The following PDZRN3 variants were observed in gnomAD, a reference collection of about 807,000 sequenced individuals.
PDZRN3 encodes PDZ domain containing ring finger 3.
In PDZRN3, 38 loss-of-function variants were observed where a neutral mutation model predicts 85.7. That is an observed-to-expected ratio of 0.44 (90% CI 0.34 to 0.58). The LOEUF (loss-of-function observed/expected upper bound fraction) is 0.58. PDZRN3 is among the 20% of genes least tolerant of loss of function. The pLI is 0.01. For missense variants in PDZRN3, 1,629 were observed against 1,506.4 expected (o/e 1.08, Z -1.35); for synonymous variants, 759 against 638.0 (o/e 1.19, Z -2.86).
chr3:73,624,320 T>G lies in PDZRN3; in HGVS notation c.506A>C (p.His169Pro). The change falls in exon 1 of 10, where the codon CAC (histidine) becomes CCC (proline). Residue 169 changes from histidine (H) to proline (P), a missense_variant. By Grantham distance (77) the His-to-Pro change is moderately conservative (BLOSUM62 -2). Transcript: ENST00000263666. ...CAGGCGGGCCTGGAGCGCGCCGTTG[T>G]GCGCCCGCAGCGCTCGCGCGCAGCA... ...GHCCARALRA[H>P]NGALQARLGA... is the part of the protein sequence containing the mutation. 7.6e-7 allele frequency: 1 copy of G among 1,314,634 alleles called. No individual in the cohort carries two copies. The highest frequency in any genetic ancestry group is 9.6e-7 in the Non-Finnish European group (1 of 1,039,368). The allele number at this position is 1,314,634 out of a possible 1,614,324, so 81.4% of individuals were successfully genotyped here.
intron 3 of PDZRN3, among the ~76,000 whole-genome samples, chr3:73,540,013 G>A (rs551471385): frequency 1.4e-5 from 2 of 138,606 alleles, no homozygotes; most frequent in African/African-American, 5.3e-5. Context: ...CCTGTGACAT[G>A]TATGATTCAG....
intron 3 of PDZRN3, among the ~76,000 whole-genome samples, chr3:73,439,727 C>A (rs888465021): frequency 1.5e-5 from 2 of 137,332 alleles, no homozygotes; most frequent in Non-Finnish European, 3.3e-5. Context: ...CTTAGGCCCT[C>A]ATATTTTATT....
chr3:73,608,373 A>T (rs182771461), intron 2 of PDZRN3, among the ~76,000 whole-genome samples: 1,377 of 135,064 alleles, frequency 0.01, 35 homozygotes, highest in African/African-American at 0.051. Flanking sequence ...CCCAAAACCA[A>T]ACAGTTTAAA....
rs373556555 is a variant in PDZRN3 at position 73,465,077 on chromosome 3, G to A, written c.919-60682C>T. ...AGTTTCTGTTGCTAAGTTGTCTCTA[G>A]GTTGCTTATCTGTAATAAAATGAGT... On this transcript the variant is annotated intron_variant, in intron 3 of 9. Coordinates refer to ENST00000263666, the MANE Select transcript of PDZRN3 (RefSeq NM_015009.3). Among the ~76,000 whole-genome samples the A allele has an allele frequency of 1.1e-4, 17 of 152,268 alleles. No individual in the cohort carries two copies. The South Asian group carries it at 3.5e-3, about 32-fold the overall frequency.
intron 3 of PDZRN3, among the ~76,000 whole-genome samples, chr3:73,424,649 A>G (rs1702275201): frequency 6.6e-6 from 1 of 152,096 alleles, no homozygotes; most frequent in Non-Finnish European, 1.5e-5. Context: ...GTTTTTCCAA[A>G]TCCTACAACC....
chr3:73,589,999 C>G (rs1235516717), intron 3 of PDZRN3, among the ~76,000 whole-genome samples: 1 of 151,948 alleles, frequency 6.6e-6, no homozygotes, highest in Admixed American at 6.6e-5. Context: ...CTGGGCTCAG[C>G]GGCTCACGCA....
At chr3:73,404,011 A>G (rs1246849897) in intron 4 of PDZRN3, 137 bp downstream of exon 4, 2 of 751,112 alleles carry the variant, frequency 2.7e-6, no homozygotes, top group African/African-American at 3.5e-5. Flanking sequence ...TATTGCCTCT[A>G]TAAACAATAA....
chr3:73,620,798 G>A (rs538558449), intron 1 of PDZRN3, among the ~76,000 whole-genome samples: 6 of 152,090 alleles, frequency 3.9e-5, no homozygotes, highest in Non-Finnish European at 7.4e-5. Context: ...GGATGGTCTC[G>A]ATCTCCTGAT....
intron 3 of PDZRN3, among the ~76,000 whole-genome samples, chr3:73,590,422 C>T (rs970229665): frequency 6.6e-6 from 1 of 152,136 alleles, no homozygotes; most frequent in Non-Finnish European, 1.5e-5. Flanking sequence ...TTCCGTCTAA[C>T]TTGGCACTTA....
At chr3:73,585,548 CT>C (rs1184926109) in intron 3 of PDZRN3, among the ~76,000 whole-genome samples, 1 of 152,214 alleles carries the variant, frequency 6.6e-6, no homozygotes, top group African/African-American at 2.4e-5. Flanking sequence ...GCATCCACCC[CT>C]TTGCCGCACC....
intron 3 of PDZRN3, among the ~76,000 whole-genome samples, chr3:73,549,049 GTGGC>G (rs1701492628): frequency 6.6e-6 from 1 of 152,182 alleles, no homozygotes; most frequent in Admixed American, 6.6e-5. Flanking sequence ...CAAATGGTTG[GTGGC>G]ATATCTCTTC....
At chr3:73,562,196 T>C (rs11922531) in intron 3 of PDZRN3, among the ~76,000 whole-genome samples, 2 of 152,144 alleles carry the variant, frequency 1.3e-5, no homozygotes, top group African/African-American at 4.8e-5. Flanking sequence ...TTGCACACAG[T>C]GGGAGCTAAA....
At position 73,390,654 on chromosome 3, in the gene PDZRN3, T is replaced by TGTGAGA. The variant is rs36036904; in HGVS notation, c.1353+363_1353+364insTCTCAC. 1.5e-3 allele frequency among the ~76,000 whole-genome samples: 214 copies of TGTGAGA among 140,050 alleles called. 2 individuals are homozygous for TGTGAGA. Among genetic ancestry groups the TGTGAGA allele is most frequent in the African/African-American group, 5.4e-3 (202 of 37,370 alleles). The allele number at this position is 140,050 out of a possible 152,430, so 91.9% of individuals were successfully genotyped here. The stretch of plus-strand genomic sequence containing the variant: ...AAAAAAATGTGTGTGTGTGTGTGTG[T>TGTGAGA]GAGAGAGAGAGAGAGAGAGGCTTTA... On this transcript the variant is annotated intron_variant, in intron 6 of 9. Transcript: ENST00000263666.
chr3:73,600,337 A>ACACACACACACACTCT (rs34405662), intron 3 of PDZRN3, among the ~76,000 whole-genome samples: 1 of 100,052 alleles, frequency 1.0e-5, no homozygotes, highest in African/African-American at 4.3e-5. Context: ...ACACACACAC[A>ACACACACACACACTCT]CTCTCTCTCT....
At position 73,521,676 on chromosome 3, in the gene PDZRN3, A is replaced by AATTATT. The variant is rs767379473; in HGVS notation, c.918+80672_918+80677dup. ...TAAAGCATTTTGCATACTGCGTTGT[A>AATTATT]ATTATTCTTCTTATTATTATTATTT... On this transcript the variant is annotated intron_variant, in intron 3 of 9. Coordinates refer to ENST00000263666, the MANE Select transcript of PDZRN3 (RefSeq NM_015009.3). Among the ~76,000 whole-genome samples, 6 of 151,982 alleles carry AATTATT rather than the reference A, an allele frequency of 3.9e-5. No individual in the cohort carries two copies. In the South Asian group the frequency reaches 8.4e-4, roughly 21 times the overall value.
intron 9 of PDZRN3, among the ~76,000 whole-genome samples, chr3:73,385,364 C>T (rs1559648026): frequency 6.6e-6 from 1 of 152,198 alleles, no homozygotes; most frequent in Non-Finnish European, 1.5e-5. Flanking sequence ...GATTGCTTTA[C>T]TTTGGAAAAC....
At chr3:73,407,927 G>C (rs1693296315) in intron 3 of PDZRN3, 1 of 574,052 alleles carries the variant, frequency 1.7e-6, no homozygotes, top group South Asian at 2.2e-5. Flanking sequence ...GGTTACAGAG[G>C]GAAGAGCAGT....
intron 3 of PDZRN3, among the ~76,000 whole-genome samples, chr3:73,565,599 T>C (rs1701929460): frequency 6.6e-6 from 1 of 152,098 alleles, no homozygotes. Flanking sequence ...CCCTGGGAAG[T>C]TGGGACAAAT....
At chr3:73,411,414 A>T (rs1174053050) in intron 3 of PDZRN3, among the ~76,000 whole-genome samples, 2 of 152,192 alleles carry the variant, frequency 1.3e-5, no homozygotes, top group Non-Finnish European at 2.9e-5. Context: ...TCTGTTTTAG[A>T]ACTTCTCTGT....
Sources: allele counts gnomAD v4.1 joint callset (sites outside exome capture counted in the v4.1 genomes callset), GRCh38; gene constraint gnomAD v4.1.1; transcripts MANE v1.5; gene names NCBI Gene and HGNC (gene_info 2026-07-23, HGNC 2026-07-21).